RIMS1: variants seen among roughly 807,000 people sequenced by gnomAD.
The protein encoded by RIMS1 is regulating synaptic membrane exocytosis 1.
In RIMS1, 83 loss-of-function variants were observed where a neutral mutation model predicts 214.1. The ratio of observed to expected loss-of-function variants is 0.39; its 90% CI spans 0.32 to 0.47. RIMS1 has a LOEUF of 0.47. Ranked by LOEUF, RIMS1 falls within the 20% of genes least tolerant of loss-of-function variation. The probability of loss-of-function intolerance (pLI) is 0.99; values close to 1 mark genes in which losing one functional copy is unlikely to be tolerated. For synonymous variants in RIMS1, 793 were observed against 786.8 expected, an observed-to-expected ratio of 1.01 and a Z score of -0.13; for missense variants, 2,050 against 2,161.8, an observed-to-expected ratio of 0.95 and a Z score of 1.03.
chr6:71,886,840 A>AAAG lies in RIMS1; in HGVS notation c.-182_-180dup, dbSNP rs555947867. 778 of 652,612 alleles carry AAAG rather than the reference A, an allele frequency of 1.2e-3. 8 individuals are homozygous for AAAG. In the Admixed American group the frequency reaches 0.02, roughly 17 times the overall value. 40.4% of individuals were successfully genotyped at this position (652,612 alleles called of 1,614,324 possible). A position where few individuals can be genotyped will look rare whatever the true frequency, so the allele number is the denominator to read the frequency against. The stretch of plus-strand genomic sequence containing the variant: ...GGCTGGGTGGATGCAAACAACCATG[A>AAAG]AAGACTGGGTTCTCGCTCTCCCCGG... On this transcript the variant is annotated 5_prime_UTR_variant, in exon 1 of 34. Transcript: ENST00000521978.
chr6:72,245,963 A>G, intron 11 of RIMS1, 102 bp downstream of exon 11: 1 of 789,820 alleles, frequency 1.3e-6, no homozygotes. Context: ...TGGGGTTACT[A>G]TACTAAAGAT....
chr6:72,362,176 C>A (rs2097850960), intron 29 of RIMS1, among the ~76,000 whole-genome samples: 1 of 151,962 alleles, frequency 6.6e-6, no homozygotes, highest in Non-Finnish European at 1.5e-5. Flanking sequence ...TCATACCAAT[C>A]TTTCCCTAGG....
At chr6:72,106,519 A>G (rs965599747) in intron 4 of RIMS1, among the ~76,000 whole-genome samples, 1 of 152,202 alleles carries the variant, frequency 6.6e-6, no homozygotes, top group African/African-American at 2.4e-5. Flanking sequence ...TACAAGCTAA[A>G]CCAGGAATGA....
intron 1 of RIMS1, among the ~76,000 whole-genome samples, chr6:71,956,926 C>G (rs1256703044): frequency 6.6e-6 from 1 of 152,046 alleles, no homozygotes; most frequent in Non-Finnish European, 1.5e-5. Context: ...GAGCTGGGAC[C>G]CAAAGAAGTC....
At chr6:72,042,245 A>G (rs72931435) in intron 2 of RIMS1, among the ~76,000 whole-genome samples, 29,972 of 151,706 alleles carry the variant, frequency 0.2, 3,164 homozygotes, top group Non-Finnish European at 0.24. Flanking sequence ...CTGCACACTC[A>G]CTACAGTTGA....
At chr6:72,236,741 G>A (rs898827783) in intron 8 of RIMS1, among the ~76,000 whole-genome samples, 5 of 149,572 alleles carry the variant, frequency 3.3e-5, no homozygotes, top group African/African-American at 1.2e-4. Context: ...ATTGTCTTGG[G>A]TCACACTTAA....
chr6:72,167,198 A>G (rs972177011), intron 4 of RIMS1, among the ~76,000 whole-genome samples: 1 of 151,732 alleles, frequency 6.6e-6, no homozygotes, highest in Non-Finnish European at 1.5e-5. Flanking sequence ...ACACATACAC[A>G]TATATTTTAT....
At chr6:71,961,663 A>T (rs554273458) in intron 1 of RIMS1, among the ~76,000 whole-genome samples, 1 of 152,078 alleles carries the variant, frequency 6.6e-6, no homozygotes, top group South Asian at 2.1e-4. Context: ...ATCTTATTTG[A>T]TACCTCCCTC....
At chr6:72,134,086 G>T (rs2040886255) in intron 4 of RIMS1, among the ~76,000 whole-genome samples, 1 of 151,928 alleles carries the variant, frequency 6.6e-6, no homozygotes, top group South Asian at 2.1e-4. Context: ...TGATAGTAAT[G>T]ATTATATTTC....
chr6:72,390,758 G>A, intron 30 of RIMS1, 22 bp downstream of exon 30: 2 of 1,611,734 alleles, frequency 1.2e-6, no homozygotes, highest in Non-Finnish European at 1.7e-6. Flanking sequence ...CAGCACGTCT[G>A]CATGGCTGTG....
intron 6 of RIMS1, among the ~76,000 whole-genome samples, chr6:72,184,252 G>T (rs2048788606): frequency 6.6e-6 from 1 of 151,988 alleles, no homozygotes; most frequent in African/African-American, 2.4e-5. Flanking sequence ...AAGAAGCAAC[G>T]TCATGACATT....
chr6:71,949,495 A>G (rs966708585), intron 1 of RIMS1, among the ~76,000 whole-genome samples: 10 of 152,144 alleles, frequency 6.6e-5, no homozygotes, highest in African/African-American at 2.4e-4. Context: ...TAATGTTTCA[A>G]ATTTGTCACT....
intron 29 of RIMS1, among the ~76,000 whole-genome samples, chr6:72,360,772 A>T (rs553423563): frequency 6.7e-6 from 1 of 149,932 alleles, no homozygotes; most frequent in East Asian, 1.9e-4. Context: ...ATAGGAAAAA[A>T]GACGGCGTTT....
intron 1 of RIMS1, among the ~76,000 whole-genome samples, chr6:71,890,596 A>AAAAACC (rs1554194854): frequency 8.9e-6 from 1 of 112,950 alleles, no homozygotes; most frequent in Non-Finnish European, 1.8e-5. Context: ...AAAAAAAAAA[A>AAAAACC]ACTTCATAGA....
intron 4 of RIMS1, among the ~76,000 whole-genome samples, chr6:72,127,633 C>A (rs2039783455): frequency 6.6e-6 from 1 of 152,164 alleles, no homozygotes; most frequent in South Asian, 2.1e-4. Context: ...TCCAGAGGTT[C>A]TGTGCCTTAC....
intron 1 of RIMS1, among the ~76,000 whole-genome samples, chr6:71,901,137 A>T (rs991532075): frequency 1.3e-5 from 2 of 152,108 alleles, no homozygotes; most frequent in Non-Finnish European, 2.9e-5. Context: ...TGATAAAGAT[A>T]ATGAGAAACT....
At chr6:72,057,058 T>C (rs1826382743) in intron 2 of RIMS1, among the ~76,000 whole-genome samples, 1 of 152,252 alleles carries the variant, frequency 6.6e-6, no homozygotes, top group Admixed American at 6.5e-5. Flanking sequence ...AAATAACTAA[T>C]GGGTACTTGG....
rs753130444 is a variant in RIMS1 at position 72,097,112 on chromosome 6, A to G, written c.409A>G (p.Thr137Ala). 11 of 1,614,036 alleles carry G rather than the reference A, an allele frequency of 6.8e-6. No individual in the cohort carries two copies. Among genetic ancestry groups the G allele is most frequent in the Non-Finnish European group, 8.5e-6 (10 of 1,179,888 alleles). The stretch of plus-strand genomic sequence containing the variant: ...CGGTCATCTCTGCTCCTATTGTCGC[A>G]CTAAGTTCTGTGCGCGCTGCGGAGG... The part of the protein sequence containing the change: ...GCGHLCSYCR[T>A]KFCARCGGRV... Residue 137 changes from threonine (T) to alanine (A), a missense_variant, in exon 3 of 34, where the codon ACT becomes GCT. Around this residue, in one of 6 missense-constraint regions of RIMS1, gnomAD observed 882 missense variants for 828.9 expected, o/e 1.06. Transcript: ENST00000521978.
Position 72,334,392 on chromosome 6 carries a change from A to G in RIMS1, c.4366+557A>G, listed in dbSNP as rs1015668205. On this transcript the variant is annotated intron_variant, in intron 29 of 33. Transcript: ENST00000521978. ...CAAGGAGTAATGTTTTAATACAAAT[A>G]TGTGTTTCAGATATTTTCTGCTGCT... is the stretch of plus-strand genomic sequence containing the variant. Among the ~76,000 whole-genome samples, 12 of 152,020 alleles carry G rather than the reference A, an allele frequency of 7.9e-5. No homozygotes were observed. The South Asian group carries it at 1.9e-3, about 24-fold the overall frequency.
Sources: gnomAD v4.1 joint callset for allele counts (sites outside exome capture counted in the v4.1 genomes callset) on GRCh38, gnomAD v4.1.1 for gene constraint, gnomAD v4.1.1 regional missense constraint, MANE v1.5 for transcripts, NCBI Gene and HGNC (gene_info 2026-07-23, HGNC 2026-07-21) for gene names.